The following CD8B2 variants were observed in gnomAD, a reference collection of about 807,000 sequenced individuals.
CD8B2 encodes the protein T-cell surface glycoprotein CD8 beta-2 chain.
In CD8B2, 11 loss-of-function variants were observed where a neutral mutation model predicts 23.7. The observed-to-expected ratio is 0.46, with a 90% confidence interval of 0.29 to 0.77. The LOEUF is 0.77. CD8B2 is among the 30% of genes least tolerant of loss of function. The pLI, the probability that CD8B2 is intolerant of heterozygous loss-of-function variation, is 0.09. For synonymous variants in CD8B2, 90 were observed against 109.3 expected, an observed-to-expected ratio of 0.82 and a Z score of 1.10; for missense variants, 197 against 270.5, an observed-to-expected ratio of 0.73 and a Z score of 1.91.
At chr2:106,514,137 T>C (rs7558855), downstream of CD8B2, among the ~76,000 whole-genome samples, 12,873 of 110,136 alleles carry the variant, frequency 0.12, 1,271 homozygotes, top group African/African-American at 0.19. Context: ...ATCGAAAGTC[T>C]GCCAGCCCCA....
At chr2:106,488,917 T>C (rs1679136559) in intron 1 of CD8B2, among the ~76,000 whole-genome samples, 1 of 151,910 alleles carries the variant, frequency 6.6e-6, no homozygotes, top group African/African-American at 2.4e-5. Context: ...GGCAGTGTGG[T>C]GTTTGGGGAA....
intron 5 of CD8B2, among the ~76,000 whole-genome samples, chr2:106,517,843 G>A (rs1288526411): frequency 6.6e-6 from 1 of 151,936 alleles, no homozygotes; most frequent in Non-Finnish European, 1.5e-5. Context: ...CTCCCAAGGA[G>A]CTGGGACTAC....
At chr2:106,500,496 G>T (rs1221360919) in intron 3 of CD8B2, among the ~76,000 whole-genome samples, 1 of 150,202 alleles carries the variant, frequency 6.7e-6, no homozygotes, top group African/African-American at 2.5e-5. Flanking sequence ...TCCAGCCTGG[G>T]CAACAACAGC....
exon 6 of CD8B2, chr2:106,544,296 A>C: frequency 2.8e-6 from 1 of 362,186 alleles, no homozygotes; most frequent in Non-Finnish European, 4.9e-6. Flanking sequence ...TTAATGACTA[A>C]ATGTAGCTTG....
chr2:106,499,531 C>T (rs1210221489), intron 3 of CD8B2, among the ~76,000 whole-genome samples: 1 of 87,148 alleles, frequency 1.1e-5, no homozygotes. Flanking sequence ...GACCCTGTCT[C>T]AAAAAAAAAA....
intron 5 of CD8B2, among the ~76,000 whole-genome samples, chr2:106,531,702 C>T (rs921689708): frequency 6.6e-6 from 1 of 152,200 alleles, no homozygotes; most frequent in Non-Finnish European, 1.5e-5. Flanking sequence ...CTCTTCAGTG[C>T]GATCCTGAAG....
At chr2:106,515,782 A>G (rs1209271732), downstream of CD8B2, among the ~76,000 whole-genome samples, 3 of 152,038 alleles carry the variant, frequency 2.0e-5, no homozygotes, top group Non-Finnish European at 4.4e-5. Context: ...CCTCTTCTGA[A>G]CACATCTCCT....
At chr2:106,499,208 C>T (rs374165951) in intron 3 of CD8B2, among the ~76,000 whole-genome samples, 1,542 of 152,144 alleles carry the variant, frequency 0.01, 30 homozygotes, top group African/African-American at 0.035. Flanking sequence ...TACATCCCTG[C>T]GACCTGCACC....
intron 5 of CD8B2, among the ~76,000 whole-genome samples, chr2:106,543,485 G>A (rs568753783): frequency 5.6e-4 from 86 of 152,256 alleles, no homozygotes; most frequent in Non-Finnish European, 9.8e-4. Context: ...GGCCATGACT[G>A]CACTACTGCA....
chr2:106,506,965 T>C lies in CD8B2; in HGVS notation c.*25T>C. On this transcript the variant is annotated 3_prime_UTR_variant, in exon 6 of 6. Transcript: ENST00000643224. ...AGCAGAGAATACGGTTTTGGTGTCC[T>C]GCTACAAAAAGACATCGGTCAGTAA... 1 of 1,599,044 alleles carries C rather than the reference T, an allele frequency of 6.3e-7. No homozygotes were observed. Among genetic ancestry groups the C allele is most frequent in the South Asian group, 1.1e-5 (1 of 88,796 alleles).
At chr2:106,526,413 A>G (rs1042187235) in intron 5 of CD8B2, among the ~76,000 whole-genome samples, 1 of 152,114 alleles carries the variant, frequency 6.6e-6, no homozygotes, top group African/African-American at 2.4e-5. Flanking sequence ...ATTCACGGCC[A>G]TTTACCCCTG....
At chr2:106,492,054 C>T (rs1679207383) in intron 2 of CD8B2, among the ~76,000 whole-genome samples, 1 of 152,082 alleles carries the variant, frequency 6.6e-6, no homozygotes, top group Non-Finnish European at 1.5e-5. Context: ...GGACAGGTGC[C>T]CTTATGTTCT....
intron 2 of CD8B2, among the ~76,000 whole-genome samples, chr2:106,495,582 T>C (rs1679283683): frequency 2.0e-5 from 3 of 151,912 alleles, no homozygotes; most frequent in Admixed American, 2.0e-4. Context: ...AAATCAGAGG[T>C]GTAGGCTCTG....
chr2:106,504,713 G>A (rs1270960087), intron 5 of CD8B2, among the ~76,000 whole-genome samples: 1 of 152,186 alleles, frequency 6.6e-6, no homozygotes, highest in African/African-American at 2.4e-5. Context: ...GCTCTCCTGA[G>A]GAGAGCAATC....
chr2:106,496,166 T>G lies in CD8B2; in HGVS notation c.404-7T>G. 6.5e-7 allele frequency: 1 copy of G among 1,542,486 alleles called. No homozygotes were observed. The highest frequency in any genetic ancestry group is 8.8e-7 in the Non-Finnish European group (1 of 1,140,968). ...GCTAAGATATGTGTCTTGCTTTCTTTCTGTAGTTGATTTCCTTCCCACCAC... is the reference window on the plus strand; with the variant it reads ...GCTAAGATATGTGTCTTGCTTTCTTGCTGTAGTTGATTTCCTTCCCACCAC... On this transcript the variant is annotated splice_polypyrimidine_tract_variant and splice_region_variant and intron_variant, in intron 2 of 5. Transcript: ENST00000643224.
chr2:106,512,832 G>C (rs1013948368), downstream of CD8B2, among the ~76,000 whole-genome samples: 5 of 152,050 alleles, frequency 3.3e-5, no homozygotes, highest in South Asian at 2.1e-4. Flanking sequence ...CTAGGGGTGC[G>C]GCATGGCCAG....
chr2:106,494,509 G>T (rs1163066856), intron 2 of CD8B2, among the ~76,000 whole-genome samples: 1 of 151,326 alleles, frequency 6.6e-6, no homozygotes, highest in African/African-American at 2.4e-5. Context: ...TAGAGTTTAG[G>T]TTCATGGTGT....
chr2:106,540,687 C>G (rs1220649016), intron 5 of CD8B2, among the ~76,000 whole-genome samples: 1 of 152,116 alleles, frequency 6.6e-6, no homozygotes, highest in Non-Finnish European at 1.5e-5. Flanking sequence ...GCCTCAGCCT[C>G]CTGAGTAGTT....
chr2:106,508,598 A>T lies in CD8B2; in HGVS notation c.*1658A>T, dbSNP rs1298747173. The T allele has an allele frequency of 6.6e-6, 1 of 152,238 alleles. No individual in the cohort carries two copies. The highest frequency in any genetic ancestry group is 2.4e-5 in the African/African-American group (1 of 41,464). The allele number at this position is 152,238 out of a possible 1,614,324, so 9.4% of individuals were successfully genotyped here. A position where few individuals can be genotyped will look rare whatever the true frequency, so the allele number is the denominator to read the frequency against. ...ATTTATTGAAGTGAGAAAGCACTCC[A>T]CATGGTAGGAGTGGACCCTAAGCAG... On this transcript the variant is annotated 3_prime_UTR_variant, in exon 6 of 6. Transcript: ENST00000643224.
Sources: allele counts gnomAD v4.1 joint callset (sites outside exome capture counted in the v4.1 genomes callset), GRCh38; gene constraint gnomAD v4.1.1; transcripts MANE v1.5; gene names NCBI Gene and HGNC (gene_info 2026-07-23, HGNC 2026-07-21).